DLG4: variants seen among roughly 807,000 people sequenced by gnomAD.
The protein encoded by DLG4 is discs large MAGUK scaffold protein 4.
DLG4 carries 7 observed loss-of-function variants against 93.8 expected under a neutral mutation model. The observed-to-expected ratio is 0.07, with a 90% confidence interval of 0.04 to 0.14. DLG4 has a LOEUF of 0.14. Among genes scored for constraint, DLG4 ranks in the 10% least tolerant of loss-of-function variants. The pLI, the probability that DLG4 is intolerant of heterozygous loss-of-function variation, is 1.00. For synonymous variants in DLG4, 341 were observed against 387.6 expected (o/e 0.88, Z 1.41); for missense variants, 545 against 992.9 (o/e 0.55, Z 6.06).
At chr17:7,201,741 C>T (rs1397771727) in intron 8 of DLG4, among the ~76,000 whole-genome samples, 3 of 151,988 alleles carry the variant, frequency 2.0e-5, no homozygotes, top group African/African-American at 7.2e-5. Flanking sequence ...ATTAGCCAGG[C>T]GTGATGGTGG....
rs2069759350 is a variant in DLG4, at chr17:7,195,998, G to A, written c.1301+222C>T. The stretch of plus-strand genomic sequence containing the variant: ...GTGCTGGGATGACCAGGGGCTAGAA[G>A]GCAATTGGGATACTTGGGGCAGAGG... On this transcript the variant is annotated intron_variant, in intron 11 of 19. Transcript: ENST00000399506. The surrounding 1 kb of genome is among the most constrained non-coding windows in gnomAD (Gnocchi z 4.3). Among the ~76,000 whole-genome samples the A allele has an allele frequency of 1.3e-5, 2 of 152,250 alleles. No homozygotes were observed. The highest frequency in any genetic ancestry group is 4.1e-4 in the South Asian group (2 of 4,834).
chr17:7,218,670 G>C, upstream of DLG4: 1 of 1,550,890 alleles, frequency 6.4e-7, no homozygotes, highest in South Asian at 1.2e-5. Context: ...TTGGGACAGG[G>C]AAGATGCCAA....
intron 1 of DLG4, among the ~76,000 whole-genome samples, chr17:7,213,563 C>T (rs1314369636): frequency 6.6e-6 from 1 of 152,132 alleles, no homozygotes; most frequent in Non-Finnish European, 1.5e-5. Flanking sequence ...AAGATACGGC[C>T]GGCAATCTGC....
rs763428868 is a variant in DLG4 at position 7,191,334 on chromosome 17, C to G, written c.2001G>C (p.Glu667Asp). 1.9e-6 allele frequency: 3 copies of G among 1,613,806 alleles called. No homozygotes were observed. In the Admixed American group the frequency reaches 5.0e-5, roughly 27 times the overall value. ...NVLEINKRIT[E>D]EQARKAFDRA... The stretch of plus-strand genomic sequence containing the variant: ...TGTCGAAGGCTTTGCGGGCTTGCTC[C>G]TCTGTGATCCGCTTGTTAATCTCTC... Residue 667 changes from glutamate to aspartate, a missense_variant, in exon 19 of 20, where the codon GAG becomes GAC. This residue lies in a region of DLG4 where 428 missense variants were observed against 741.4 expected (regional missense o/e 0.58). Coordinates refer to ENST00000399506, the MANE Select transcript of DLG4 (RefSeq NM_001321075.3). This position sits in a 1 kb window ranked among gnomAD's most constrained non-coding sequence, Gnocchi z 6.6.
upstream of DLG4, chr17:7,218,488 A>G: frequency 3.3e-6 from 5 of 1,524,674 alleles, no homozygotes; most frequent in Non-Finnish European, 4.5e-6. Flanking sequence ...CAGCCCCCGA[A>G]GTTCAGTAAT....
chr17:7,190,920 C>A (rs1011377838), intron 19 of DLG4, 106 bp from the exon 20 acceptor site: 15 of 856,732 alleles, frequency 1.8e-5, no homozygotes, highest in East Asian at 7.9e-5. Context: ...TCCAACTCTC[C>A]AAGCCATAAG....
intron 17 of DLG4, chr17:7,192,317 G>C: frequency 2.8e-6 from 1 of 362,968 alleles, no homozygotes; most frequent in East Asian, 4.5e-5. Flanking sequence ...CAGCGAGTGG[G>C]GCGGGGTGTG....
chr17:7,206,284 T>G, intron 2 of DLG4, among the ~76,000 whole-genome samples: 1 of 152,094 alleles, frequency 6.6e-6, no homozygotes, highest in Non-Finnish European at 1.5e-5. Context: ...AGAGAGTTTA[T>G]CACCATTCTC....
chr17:7,204,585 GA>G (rs771136950), intron 2 of DLG4, among the ~76,000 whole-genome samples: 1 of 151,992 alleles, frequency 6.6e-6, no homozygotes, highest in East Asian at 1.9e-4. Context: ...AGAGTGGGGA[GA>G]GGGGGGTAGG....
At chr17:7,205,255 A>G (rs926922983) in intron 2 of DLG4, 10 of 859,600 alleles carry the variant, frequency 1.2e-5, no homozygotes, top group Admixed American at 6.2e-5. Flanking sequence ...CATTCGGGAA[A>G]GGGTTAAAGT....
In DLG4 at chr17:7,210,059, G is replaced by C. The variant is rs377297231; in HGVS notation, c.31-1820C>G. 1.9e-4 allele frequency among the ~76,000 whole-genome samples: 29 copies of C among 152,228 alleles called. No homozygotes were observed. The East Asian group carries it at 2.1e-3, about 11-fold the overall frequency. ...CCATCTCCAAAACAAAAAAGAGAGAGGGCGAGCAGAATTTCCCTCCCAAAA... is the reference window on the plus strand; with the variant it reads ...CCATCTCCAAAACAAAAAAGAGAGACGGCGAGCAGAATTTCCCTCCCAAAA... On this transcript the variant is annotated intron_variant, in intron 1 of 19. Transcript: ENST00000399506.
intron 1 of DLG4, among the ~76,000 whole-genome samples, chr17:7,213,439 C>A (rs2070788274): frequency 6.6e-6 from 1 of 152,072 alleles, no homozygotes; most frequent in African/African-American, 2.4e-5. Context: ...TCATAGATTA[C>A]ACCCTTTTCT....
rs913438004 is a variant in DLG4 at position 7,194,975 on chromosome 17, C to T, written c.1302-480G>A. ...CGGAGCTTGCAGTGAGCAGAGATCA[C>T]GCCACTGCACTCCAGCCTGGGCAAC... is the stretch of plus-strand genomic sequence containing the variant. On this transcript the variant is annotated intron_variant, in intron 11 of 19. Transcript: ENST00000399506. This position sits in a 1 kb window ranked among gnomAD's most constrained non-coding sequence, Gnocchi z 4.4. Among the ~76,000 whole-genome samples the T allele has an allele frequency of 1.1e-4, 17 of 149,798 alleles. No individual in the cohort carries two copies. Among genetic ancestry groups the T allele is most frequent in the Non-Finnish European group, 1.5e-4 (10 of 67,718 alleles).
chr17:7,192,783 G>A (rs947316176), intron 17 of DLG4, among the ~76,000 whole-genome samples, 162 bp downstream of exon 17: 4 of 151,936 alleles, frequency 2.6e-5, no homozygotes, highest in African/African-American at 9.7e-5. Context: ...CAGAGAGCAG[G>A]CAGTCAGACA....
Position 7,199,745 on chromosome 17 carries a change from G to A in DLG4, c.788-2693C>T, listed in dbSNP as rs1378776393. 4.0e-5 allele frequency among the ~76,000 whole-genome samples: 6 copies of A among 151,744 alleles called. No homozygotes were observed. The East Asian group carries it at 7.8e-4, about 20-fold the overall frequency. On this transcript the variant is annotated intron_variant, in intron 8 of 19. Coordinates refer to ENST00000399506, the MANE Select transcript of DLG4 (RefSeq NM_001321075.3). ...TGTAATCCCAGCACTTTGGGAGGCCGAGGTGGGGGGATCATGAGGTCAGGA... is the reference window on the plus strand; with the variant it reads ...TGTAATCCCAGCACTTTGGGAGGCCAAGGTGGGGGGATCATGAGGTCAGGA...
intron 8 of DLG4, among the ~76,000 whole-genome samples, chr17:7,202,071 C>T (rs1362074376): frequency 6.6e-6 from 1 of 152,030 alleles, no homozygotes; most frequent in Non-Finnish European, 1.5e-5. Flanking sequence ...GCCTTTTTCA[C>T]GTCTATTTAA....
At position 7,194,187 on chromosome 17, in the gene DLG4, C is replaced by A; in HGVS notation, c.1478+132G>T. On this transcript the variant is annotated intron_variant, in intron 12 of 19. Coordinates refer to ENST00000399506, the MANE Select transcript of DLG4 (RefSeq NM_001321075.3). The surrounding 1 kb of genome is among the most constrained non-coding windows in gnomAD (Gnocchi z 4.4). ...CCAAAGGCTCATGGGAGCCACGGAC[C>A]CCAGGAGGGCCCAACAGACAAACCC... 1 of 1,363,462 alleles carries A rather than the reference C, an allele frequency of 7.3e-7. No homozygotes were observed. Among genetic ancestry groups the A allele is most frequent in the Non-Finnish European group, 9.9e-7 (1 of 1,008,908 alleles). The allele number at this position is 1,363,462 out of a possible 1,614,324, so 84.5% of individuals were successfully genotyped here.
chr17:7,192,828 G>A, intron 17 of DLG4, 117 bp downstream of exon 17: 1 of 1,141,834 alleles, frequency 8.8e-7, no homozygotes, highest in Non-Finnish European at 1.2e-6. Context: ...TGGAGGAGCG[G>A]AGTGGAGACC....
chr17:7,210,724 A>T (rs2070672685), intron 1 of DLG4, among the ~76,000 whole-genome samples: 1 of 152,138 alleles, frequency 6.6e-6, no homozygotes, highest in Admixed American at 6.5e-5. Context: ...CCAAAGCTCC[A>T]AGTTTTGGAG....
Sources: allele counts gnomAD v4.1 joint callset (sites outside exome capture counted in the v4.1 genomes callset), GRCh38; gene constraint gnomAD v4.1.1; regional missense constraint gnomAD v4.1.1; non-coding constraint Gnocchi (gnomAD v3.1); transcripts MANE v1.5; gene names NCBI Gene and HGNC (gene_info 2026-07-23, HGNC 2026-07-21).